Variants in LEKR1 observed in about 807,000 individuals in gnomAD.
LEKR1 encodes the protein protein LEKR1.
Under a neutral mutation model 72.4 loss-of-function variants are expected in LEKR1, and 59 were observed. The observed-to-expected ratio is 0.82, with a 90% CI of 0.66 to 1.01. The LOEUF (loss-of-function observed/expected upper bound fraction) is 1.01, where lower values mean the gene tolerates loss of function less well. LEKR1 is among the 50% of genes least tolerant of loss of function. The probability of loss-of-function intolerance (pLI) is 0.00; values close to 1 mark genes in which losing one functional copy is unlikely to be tolerated. For synonymous variants in LEKR1, 257 were observed against 263.2 expected, an observed-to-expected ratio of 0.98 and a Z score of 0.23; for missense variants, 728 against 759.2, an observed-to-expected ratio of 0.96 and a Z score of 0.48.
intron 3 of LEKR1, among the ~76,000 whole-genome samples, chr3:156,899,619 TATACACATATATAC>T: frequency 1.0e-5 from 1 of 98,862 alleles, no homozygotes; most frequent in South Asian, 3.2e-4. Context: ...TACACACATA[TATACACATATATAC>T]ACGCATATAT....
At chr3:156,990,628 G>A (rs1731077228) in intron 7 of LEKR1, among the ~76,000 whole-genome samples, 1 of 152,062 alleles carries the variant, frequency 6.6e-6, no homozygotes, top group Non-Finnish European at 1.5e-5. Context: ...TTATTGTACA[G>A]ACTCATCAAT....
At chr3:156,946,352 G>C (rs1236549418) in intron 6 of LEKR1, among the ~76,000 whole-genome samples, 1 of 151,308 alleles carries the variant, frequency 6.6e-6, no homozygotes, top group African/African-American at 2.4e-5. Flanking sequence ...GGAGTCTTTA[G>C]GTTTTTCTAA....
intron 11 of LEKR1, among the ~76,000 whole-genome samples, chr3:157,026,834 T>C (rs1323326861): frequency 2.0e-5 from 3 of 152,228 alleles, no homozygotes; most frequent in African/African-American, 7.2e-5. Context: ...CTTGTTTCGT[T>C]GTTTTGTTTC....
At chr3:156,923,005 C>A (rs187528773) in intron 4 of LEKR1, among the ~76,000 whole-genome samples, 3 of 152,290 alleles carry the variant, frequency 2.0e-5, no homozygotes. Flanking sequence ...ATTTCTCTTG[C>A]AGCTCTCTCA....
chr3:156,837,344 A>G (rs1298894005), intron 2 of LEKR1, among the ~76,000 whole-genome samples: 6 of 152,212 alleles, frequency 3.9e-5, no homozygotes, highest in Non-Finnish European at 8.8e-5. Flanking sequence ...GTGCTGACTC[A>G]TCTCAGACAC....
At chr3:156,946,174 A>G (rs1172476401) in intron 6 of LEKR1, among the ~76,000 whole-genome samples, 1 of 151,322 alleles carries the variant, frequency 6.6e-6, no homozygotes, top group Admixed American at 6.6e-5. Context: ...GGTTAGGTTT[A>G]TTCCTAGATA....
intron 10 of LEKR1, among the ~76,000 whole-genome samples, chr3:157,020,614 T>A (rs1205243823): frequency 6.6e-6 from 1 of 151,584 alleles, no homozygotes; most frequent in Non-Finnish European, 1.5e-5. Flanking sequence ...GAACTCATCA[T>A]TTTTTATGGC....
At chr3:156,895,202 C>T (rs1035143768) in intron 3 of LEKR1, among the ~76,000 whole-genome samples, 9 of 152,094 alleles carry the variant, frequency 5.9e-5, no homozygotes, top group Non-Finnish European at 1.2e-4. Context: ...GAAAAAACAA[C>T]CCCATTAAAA....
At chr3:156,888,419 G>C in intron 3 of LEKR1, 2 of 691,248 alleles carry the variant, frequency 2.9e-6, no homozygotes, top group Non-Finnish European at 5.3e-6. Flanking sequence ...GTTTTCCTTA[G>C]CTTTTCTTAA....
At chr3:156,828,679 TAGAAAA>T (rs1399360416) in intron 1 of LEKR1, among the ~76,000 whole-genome samples, 1 of 152,180 alleles carries the variant, frequency 6.6e-6, no homozygotes, top group Non-Finnish European at 1.5e-5. Flanking sequence ...TGGCTTTTAT[TAGAAAA>T]AGAAAATCTG....
chr3:156,974,300 T>C (rs1389163535), intron 6 of LEKR1, among the ~76,000 whole-genome samples: 1 of 152,184 alleles, frequency 6.6e-6, no homozygotes, highest in Non-Finnish European at 1.5e-5. Flanking sequence ...TTAACTTGAT[T>C]TGTGTAATTT....
intron 3 of LEKR1, among the ~76,000 whole-genome samples, chr3:156,899,451 T>C (rs1291350923): frequency 1.4e-5 from 1 of 72,710 alleles, no homozygotes; most frequent in Non-Finnish European, 2.7e-5. Flanking sequence ...TATATACATA[T>C]ATACACATAT....
At chr3:156,899,421 T>G (rs993728870) in intron 3 of LEKR1, among the ~76,000 whole-genome samples, 3 of 75,270 alleles carry the variant, frequency 4.0e-5, no homozygotes, top group African/African-American at 1.8e-4. Context: ...TATATACACA[T>G]ATATACATGT....
At chr3:156,986,244 A>G (rs1730671188) in intron 7 of LEKR1, among the ~76,000 whole-genome samples, 1 of 152,160 alleles carries the variant, frequency 6.6e-6, no homozygotes, top group Non-Finnish European at 1.5e-5. Flanking sequence ...TTTCCTGAAG[A>G]GTTTCTGAGG....
At chr3:156,887,701 A>G (rs1440691488) in intron 3 of LEKR1, among the ~76,000 whole-genome samples, 1 of 152,080 alleles carries the variant, frequency 6.6e-6, no homozygotes, top group African/African-American at 2.4e-5. Flanking sequence ...CTAATTTAGA[A>G]TCATTTTTAT....
chr3:157,003,178 T>C (rs1553826689), intron 9 of LEKR1, among the ~76,000 whole-genome samples: 1 of 152,194 alleles, frequency 6.6e-6, no homozygotes, highest in Non-Finnish European at 1.5e-5. Flanking sequence ...TCTGGATACT[T>C]CTAACAAGCA....
intron 6 of LEKR1, among the ~76,000 whole-genome samples, chr3:156,974,002 T>C (rs1186073119): frequency 1.3e-5 from 2 of 152,186 alleles, no homozygotes; most frequent in African/African-American, 4.8e-5. Context: ...ATCTCATACT[T>C]AATACCTAAT....
At position 156,930,151 on chromosome 3, in the gene LEKR1, T is replaced by C. The variant is rs777090330; in HGVS notation, c.559+2547T>C. 1.6e-4 allele frequency among the ~76,000 whole-genome samples: 24 copies of C among 152,134 alleles called. 1 individual carries two copies. The highest frequency in any genetic ancestry group is 3.9e-4 in the Admixed American group (6 of 15,254). On this transcript the variant is annotated intron_variant, in intron 5 of 12. Transcript: ENST00000356539. ...ATCACACATATAAGGCTGGATGGAC[T>C]TTTATAGCACATTGCATTTACAGAA... is the stretch of plus-strand genomic sequence containing the variant.
intron 6 of LEKR1, among the ~76,000 whole-genome samples, chr3:156,959,812 C>T (rs1390571402): frequency 6.6e-6 from 1 of 152,040 alleles, no homozygotes; most frequent in African/African-American, 2.4e-5. Context: ...CACTATTGTG[C>T]TTCCTTATAT....
Sources: allele counts gnomAD v4.1 joint callset (sites outside exome capture counted in the v4.1 genomes callset), GRCh38; gene constraint gnomAD v4.1.1; transcripts MANE v1.5; gene names NCBI Gene and HGNC (gene_info 2026-07-23, HGNC 2026-07-21).